The following TENM4 variants were observed in gnomAD, a reference collection of about 807,000 sequenced individuals.
The protein encoded by TENM4 is teneurin transmembrane protein 4.
Under a neutral mutation model 243.3 loss-of-function variants are expected in TENM4, and 82 were observed. That is an observed-to-expected ratio of 0.34 (90% CI 0.28 to 0.40). TENM4 has a LOEUF of 0.40. Among genes scored for constraint, TENM4 ranks in the 10% least tolerant of loss-of-function variants. The pLI is 1.00. For synonymous variants in TENM4, 1,412 were observed against 1,456.3 expected (o/e 0.97, Z 0.69); for missense variants, 3,138 against 3,673.3 (o/e 0.85, Z 3.77).
At chr11:79,297,904 C>A (rs1268742983) in intron 1 of TENM4, among the ~76,000 whole-genome samples, 1 of 151,582 alleles carries the variant, frequency 6.6e-6, no homozygotes, top group African/African-American at 2.4e-5. Context: ...TCAACACATT[C>A]ATGTCCAACA....
intron 3 of TENM4, among the ~76,000 whole-genome samples, chr11:79,181,046 T>A (rs1322854085): frequency 1.3e-5 from 2 of 152,150 alleles, no homozygotes; most frequent in Non-Finnish European, 2.9e-5. Flanking sequence ...ATCTACAATG[T>A]CTTCTAGGAG....
chr11:79,266,041 C>T (rs1190949151), intron 2 of TENM4, among the ~76,000 whole-genome samples: 1 of 152,196 alleles, frequency 6.6e-6, no homozygotes. Context: ...AAGTAGCACT[C>T]CCACTTGCCT....
intron 1 of TENM4, among the ~76,000 whole-genome samples, chr11:79,310,192 A>G (rs1189278696): frequency 6.6e-6 from 1 of 152,216 alleles, no homozygotes. Flanking sequence ...ACAGAGGCCA[A>G]ATAAAATGAA....
intron 3 of TENM4, among the ~76,000 whole-genome samples, chr11:79,177,977 A>G (rs1294049514): frequency 3.9e-5 from 6 of 152,172 alleles, no homozygotes; most frequent in African/African-American, 1.2e-4. Context: ...GCAAAGAGGA[A>G]GCAGGAAGAA....
intron 1 of TENM4, among the ~76,000 whole-genome samples, chr11:79,350,961 T>C (rs1857404694): frequency 6.6e-6 from 1 of 152,158 alleles, no homozygotes; most frequent in African/African-American, 2.4e-5. Flanking sequence ...ACCCCTCCCC[T>C]ACCTCCCTCA....
At chr11:79,245,097 C>T (rs1855489139) in intron 2 of TENM4, among the ~76,000 whole-genome samples, 1 of 152,166 alleles carries the variant, frequency 6.6e-6, no homozygotes. Context: ...TGTTTATGGC[C>T]ATGGTGCTCT....
intron 1 of TENM4, among the ~76,000 whole-genome samples, chr11:79,336,837 C>T (rs1481148140): frequency 4.6e-5 from 7 of 152,238 alleles, no homozygotes; most frequent in Non-Finnish European, 8.8e-5. Flanking sequence ...GCCCAGGAGG[C>T]CCCCAGTTGC....
intron 1 of TENM4, among the ~76,000 whole-genome samples, chr11:79,428,807 G>C (rs963906544): frequency 6.6e-6 from 1 of 152,164 alleles, no homozygotes; most frequent in Non-Finnish European, 1.5e-5. Flanking sequence ...CACTCACCTC[G>C]TACATAAATT....
At position 78,903,625 on chromosome 11, in the gene TENM4, G is replaced by T. The variant is rs539646717; in HGVS notation, c.494-102C>A. On this transcript the variant is annotated intron_variant, in intron 6 of 33. Coordinates refer to ENST00000278550, the MANE Select transcript of TENM4 (RefSeq NM_001098816.3). Reference sequence around the variant, plus strand: ...GAGCAAGACCACAGAAGAGGGAGCCGGCAGATTATACATATTGATGCAGTC... The same window carrying T: ...GAGCAAGACCACAGAAGAGGGAGCCTGCAGATTATACATATTGATGCAGTC... 12 of 1,501,862 alleles carry T rather than the reference G, an allele frequency of 8.0e-6. No homozygotes were observed. The African/African-American group carries it at 1.7e-4, about 21-fold the overall frequency. The allele number at this position is 1,501,862 out of a possible 1,614,324, so 93.0% of individuals were successfully genotyped here.
intron 2 of TENM4, among the ~76,000 whole-genome samples, chr11:79,252,336 G>A (rs1855625830): frequency 6.6e-6 from 1 of 152,190 alleles, no homozygotes; most frequent in African/African-American, 2.4e-5. Flanking sequence ...CCGCGTTCAC[G>A]CCATTCTCCT....
At chr11:79,434,004 T>C (rs1375086119) in intron 1 of TENM4, among the ~76,000 whole-genome samples, 1 of 152,160 alleles carries the variant, frequency 6.6e-6, no homozygotes, top group East Asian at 1.9e-4. Flanking sequence ...TGGGGGCACC[T>C]TGGAAATGGG....
intron 6 of TENM4, among the ~76,000 whole-genome samples, chr11:78,916,185 C>T (rs533643992): frequency 3.3e-5 from 5 of 152,288 alleles, no homozygotes; most frequent in South Asian, 2.1e-4. Context: ...GCTTTGAGTG[C>T]GTTTTTAACC....
chr11:78,722,525 C>T (rs1436579516), intron 24 of TENM4, 143 bp downstream of exon 24: 3 of 1,126,340 alleles, frequency 2.7e-6, no homozygotes, highest in Non-Finnish European at 1.3e-6. Context: ...CCTGCTTGAG[C>T]TGGGAGGTGA....
At chr11:79,176,841 G>T (rs1418779127) in intron 3 of TENM4, among the ~76,000 whole-genome samples, 1 of 152,188 alleles carries the variant, frequency 6.6e-6, no homozygotes, top group Non-Finnish European at 1.5e-5. Flanking sequence ...ACCAAAGAAT[G>T]CATCTAACAT....
chr11:79,383,995 G>GC (rs969474611), intron 1 of TENM4, among the ~76,000 whole-genome samples: 2 of 151,894 alleles, frequency 1.3e-5, no homozygotes, highest in African/African-American at 2.4e-5. Flanking sequence ...AAGATAACCT[G>GC]CCCCCCCTTC....
chr11:78,658,553 C>A lies in TENM4; in HGVS notation c.7815G>T (p.Glu2605Asp). 1 of 1,614,022 alleles carries A rather than the reference C, an allele frequency of 6.2e-7. No homozygotes were observed. The highest frequency in any genetic ancestry group is 1.1e-5 in the South Asian group (1 of 91,082). Residue 2605 changes from glutamate to aspartate, a missense_variant, in exon 34 of 34, where the codon GAG (glutamate) becomes GAT (aspartate). By Grantham distance (45) the Glu-to-Asp change is conservative. Coordinates refer to ENST00000278550, the MANE Select transcript of TENM4 (RefSeq NM_001098816.3). ...CCCCATCAATGGTGAAGTGCAGGTT[C>A]TCTAGGTAGTGGGCATGGTTCAAGA... ...AAILNHAHYL[E>D]NLHFTIDGVD...
chr11:79,073,259 T>C (rs1860462060), intron 4 of TENM4, among the ~76,000 whole-genome samples: 1 of 152,218 alleles, frequency 6.6e-6, no homozygotes, highest in African/African-American at 2.4e-5. Flanking sequence ...ATGAAGGCTC[T>C]TGTCAGTCTG....
chr11:78,756,761 C>A, intron 19 of TENM4, 44 bp downstream of exon 19: 4 of 1,557,004 alleles, frequency 2.6e-6, no homozygotes, highest in Non-Finnish European at 2.6e-6. Context: ...TGATTCAGTT[C>A]TCCCTCAGAG....
chr11:78,712,790 C>A, intron 25 of TENM4, 76 bp from the exon 26 acceptor site: 1 of 1,371,582 alleles, frequency 7.3e-7, no homozygotes, highest in Non-Finnish European at 1.0e-6. Context: ...CAGATGAACC[C>A]CTGGCCCTTT....
Sources: gnomAD v4.1 joint callset for allele counts (sites outside exome capture counted in the v4.1 genomes callset) on GRCh38, gnomAD v4.1.1 for gene constraint, MANE v1.5 for transcripts, NCBI Gene and HGNC (gene_info 2026-07-23, HGNC 2026-07-21) for gene names.